Variants in FAM13A observed in about 807,000 individuals in gnomAD.
FAM13A encodes the protein family with sequence similarity 13 member A.
FAM13A carries 76 observed loss-of-function variants against 129.6 expected under a neutral mutation model. That is an observed-to-expected ratio of 0.59 (90% confidence interval 0.49 to 0.71). FAM13A has a LOEUF of 0.71. FAM13A is among the 30% of genes least tolerant of loss of function. FAM13A has a pLI of 0.00. For synonymous variants in FAM13A, 443 were observed against 449.9 expected, an observed-to-expected ratio of 0.98 and a Z score of 0.20; for missense variants, 1,108 against 1,249.3, an observed-to-expected ratio of 0.89 and a Z score of 1.70.
intron 6 of FAM13A, among the ~76,000 whole-genome samples, chr4:88,903,731 C>A (rs917544523): frequency 6.6e-6 from 1 of 152,128 alleles, no homozygotes; most frequent in East Asian, 1.9e-4. Context: ...GATTTCAGGA[C>A]GAAAACACCA....
intron 6 of FAM13A, among the ~76,000 whole-genome samples, chr4:88,869,944 CATAA>C (rs1024320824): frequency 6.6e-6 from 1 of 152,124 alleles, no homozygotes; most frequent in Non-Finnish European, 1.5e-5. Flanking sequence ...ACAAAATACT[CATAA>C]TTTATATAAT....
At chr4:88,985,125 T>G (rs1762077031) in intron 4 of FAM13A, among the ~76,000 whole-genome samples, 1 of 152,230 alleles carries the variant, frequency 6.6e-6, no homozygotes, top group Non-Finnish European at 1.5e-5. Context: ...AATGATGTAC[T>G]GACACATGCT....
intron 9 of FAM13A, among the ~76,000 whole-genome samples, chr4:88,790,175 C>T (rs553235349): frequency 1.3e-5 from 2 of 152,152 alleles, no homozygotes; most frequent in East Asian, 3.9e-4. Flanking sequence ...ATGCGCCTGA[C>T]GTGTTGCAGG....
chr4:88,951,805 T>A (rs1756997207), intron 4 of FAM13A, among the ~76,000 whole-genome samples: 1 of 152,042 alleles, frequency 6.6e-6, no homozygotes, highest in Non-Finnish European at 1.5e-5. Context: ...TAGAGTCTCT[T>A]ATATATCATA....
At chr4:88,856,038 T>C (rs532449307) in intron 6 of FAM13A, 5 of 152,270 alleles carry the variant, frequency 3.3e-5, no homozygotes, top group African/African-American at 1.2e-4. Flanking sequence ...TGCAGGAAAA[T>C]TTAAAATAAT....
intron 6 of FAM13A, among the ~76,000 whole-genome samples, chr4:88,862,046 T>C (rs181936705): frequency 1.6e-4 from 24 of 152,318 alleles, no homozygotes; most frequent in Admixed American, 1.5e-3. Context: ...CAGATATTTA[T>C]GGAGCACTTA....
intron 4 of FAM13A, among the ~76,000 whole-genome samples, chr4:88,985,600 G>A (rs1208351618): frequency 6.6e-6 from 1 of 152,080 alleles, no homozygotes; most frequent in African/African-American, 2.4e-5. Context: ...GCTGCTAACA[G>A]ACATGTAACA....
chr4:88,961,232 C>T (rs1758548580), intron 4 of FAM13A, among the ~76,000 whole-genome samples: 2 of 150,966 alleles, frequency 1.3e-5, no homozygotes, highest in Non-Finnish European at 2.9e-5. Flanking sequence ...ACAAAATACA[C>T]ATTTAAAAAT....
chr4:88,759,103 C>T, intron 13 of FAM13A: 1 of 512,388 alleles, frequency 2.0e-6, no homozygotes. Flanking sequence ...ATCTGTGCTC[C>T]TTTAACTTTC....
intron 21 of FAM13A, among the ~76,000 whole-genome samples, chr4:88,734,653 G>C (rs555082152): frequency 1.3e-5 from 2 of 152,292 alleles, no homozygotes; most frequent in African/African-American, 4.8e-5. Context: ...GGCAATGTCT[G>C]GAAACATTTT....
At chr4:88,985,848 T>TAA (rs56061264) in intron 4 of FAM13A, among the ~76,000 whole-genome samples, 7,123 of 144,798 alleles carry the variant, frequency 0.049, 524 homozygotes, top group African/African-American at 0.16. Flanking sequence ...CAAAAAAGAA[T>TAA]AAAAAAAAAA....
chr4:88,957,537 C>T (rs187127375), intron 4 of FAM13A, among the ~76,000 whole-genome samples: 9 of 152,246 alleles, frequency 5.9e-5, no homozygotes, highest in Non-Finnish European at 1.2e-4. Flanking sequence ...AATGCAAGAA[C>T]AGCCTAACAT....
chr4:88,905,157 A>G (rs986692808), intron 6 of FAM13A, among the ~76,000 whole-genome samples: 74 of 152,130 alleles, frequency 4.9e-4, no homozygotes, highest in African/African-American at 1.7e-3. Context: ...ATGTGTGTAT[A>G]TATGTATGTA....
At chr4:88,949,352 C>T (rs1052535110) in intron 4 of FAM13A, among the ~76,000 whole-genome samples, 1 of 152,152 alleles carries the variant, frequency 6.6e-6, no homozygotes. Context: ...ATCTTGTCCA[C>T]ATACATTCCA....
chr4:88,737,906 G>A (rs1739342824), intron 20 of FAM13A, among the ~76,000 whole-genome samples: 1 of 152,164 alleles, frequency 6.6e-6, no homozygotes, highest in Non-Finnish European at 1.5e-5. Flanking sequence ...GTCAGCTAAG[G>A]AGAATCACAT....
chr4:88,803,112 G>C (rs780491378), intron 8 of FAM13A, among the ~76,000 whole-genome samples: 3 of 152,134 alleles, frequency 2.0e-5, no homozygotes, highest in African/African-American at 7.2e-5. Context: ...ATCTACTTCC[G>C]GTGAGTAACC....
intron 1 of FAM13A, among the ~76,000 whole-genome samples, chr4:89,030,410 G>A (rs1708668): frequency 0.81 from 123,489 of 152,096 alleles, 50,487 homozygotes; most frequent in African/African-American, 0.9. Context: ...GGAATTTTTA[G>A]AGATGTGTCT....
chr4:88,794,913 T>C (rs1386674770), intron 8 of FAM13A, among the ~76,000 whole-genome samples: 1 of 151,902 alleles, frequency 6.6e-6, no homozygotes, highest in Non-Finnish European at 1.5e-5. Context: ...ATCAACATTA[T>C]ACATATATAA....
Position 89,020,641 on chromosome 4 carries a change from C to A in FAM13A, c.246G>T (p.Val82=). The A allele has an allele frequency of 6.2e-7, 1 of 1,614,084 alleles. No homozygotes were observed. Among genetic ancestry groups the A allele is most frequent in the African/African-American group, 1.3e-5 (1 of 75,046 alleles). Residue 82 remains valine (V), a synonymous_variant, in exon 3 of 24, where the codon GTG becomes GTT. Transcript: ENST00000264344. ...HGLTQEGLFR[V]NGNVKVVEQL... ...GTTCCACCACCTTCACGTTACCATT[C>A]ACCCTAAAAAGACCTTCTTGGGTAA...
Sources: gnomAD v4.1 joint callset for allele counts (sites outside exome capture counted in the v4.1 genomes callset) on GRCh38, gnomAD v4.1.1 for gene constraint, MANE v1.5 for transcripts, NCBI Gene and HGNC (gene_info 2026-07-23, HGNC 2026-07-21) for gene names.